Variants in WIPF3 observed in about 807,000 individuals in gnomAD.
WIPF3 encodes the protein WAS/WASL-interacting protein family member 3.
Under a neutral mutation model 38.9 loss-of-function variants are expected in WIPF3, and 33 were observed. The ratio of observed to expected loss-of-function variants is 0.85; its 90% CI spans 0.64 to 1.14. The LOEUF (loss-of-function observed/expected upper bound fraction) is 1.14, where lower values mean the gene tolerates loss of function less well. Among genes scored for constraint, WIPF3 ranks in the 50% most tolerant of loss-of-function variants. The probability of loss-of-function intolerance (pLI) is 0.00; values close to 1 mark genes in which losing one functional copy is unlikely to be tolerated. For synonymous variants in WIPF3, 324 were observed against 269.3 expected (o/e 1.20, Z -1.99); for missense variants, 711 against 652.5 (o/e 1.09, Z -0.98).
In WIPF3 at chr7:29,844,626, C is replaced by G. The variant is rs1160619033; in HGVS notation, c.90+9812C>G. On this transcript the variant is annotated intron_variant, in intron 2 of 8. Transcript: ENST00000242140. The surrounding 1 kb of genome is among the most constrained non-coding windows in gnomAD (Gnocchi z 4.8). ...CTGCCGTGTGCCCCACTGCCTCCAG[C>G]TGCGTGAACGGGTTCAGTAAGTGGT... Among the ~76,000 whole-genome samples, 1 of 152,198 alleles carries G rather than the reference C, an allele frequency of 6.6e-6. No individual in the cohort carries two copies.
Position 29,884,405 on chromosome 7 carries a change from C to T in WIPF3, c.911C>T (p.Pro304Leu), listed in dbSNP as rs376892798. ...PPLPPYASCS[P>L]RASLPAPPLP... ...CTCCCCCCTTATGCTTCTTGCTCCC[C>T]GAGGGCTTCTTTGCCCGCGCCCCCT... The change falls in exon 5 of 9, where the codon CCG (proline) becomes CTG (leucine). Residue 304 changes from proline (P) to leucine (L), a missense_variant. Transcript: ENST00000242140. The T allele has an allele frequency of 3.5e-5, 52 of 1,490,710 alleles. No individual in the cohort carries two copies. The highest frequency in any genetic ancestry group is 4.5e-5 in the Non-Finnish European group (50 of 1,114,996). The allele number at this position is 1,490,710 out of a possible 1,614,324, so 92.3% of individuals were successfully genotyped here. A position where few individuals can be genotyped will look rare whatever the true frequency, so the allele number is the denominator to read the frequency against.
chr7:29,914,357 C>A, intron 8 of WIPF3, 136 bp from the exon 9 acceptor site: 2 of 589,450 alleles, frequency 3.4e-6, no homozygotes, highest in Non-Finnish European at 5.4e-6. Context: ...TTTGCATAGG[C>A]ATCTCCCCAA....
intron 1 of WIPF3, among the ~76,000 whole-genome samples, chr7:29,827,861 C>T (rs937127035): frequency 1.4e-4 from 21 of 152,154 alleles, no homozygotes; most frequent in African/African-American, 4.8e-4. Context: ...GTGGTACAAT[C>T]GCAGCTTACT....
chr7:29,883,443 C>A (rs1027627218), intron 4 of WIPF3, among the ~76,000 whole-genome samples: 3 of 152,178 alleles, frequency 2.0e-5, no homozygotes, highest in Non-Finnish European at 4.4e-5. Context: ...GGTTGGTACA[C>A]CTGAGGGTCC....
At position 29,882,148 on chromosome 7, in the gene WIPF3, C is replaced by T. The variant is rs999051932; in HGVS notation, c.356-1702C>T. On this transcript the variant is annotated intron_variant, in intron 4 of 8. Coordinates refer to ENST00000242140, the MANE Select transcript of WIPF3 (RefSeq NM_001080529.3). ...TTGGTGGCTTCATCAACACAGGATC[C>T]CCTACTTTTAACTGACTCACTTTAA... Among the ~76,000 whole-genome samples, 4 of 152,240 alleles carry T rather than the reference C, an allele frequency of 2.6e-5. No homozygotes were observed. The East Asian group carries it at 7.7e-4, about 29-fold the overall frequency.
intron 7 of WIPF3, among the ~76,000 whole-genome samples, chr7:29,902,451 C>T (rs1183174686): frequency 6.6e-5 from 10 of 151,992 alleles, no homozygotes; most frequent in African/African-American, 1.5e-4. Flanking sequence ...GACCCTTCTA[C>T]GTGATAGTCC....
chr7:29,850,652 G>A (rs1785079308), intron 2 of WIPF3, among the ~76,000 whole-genome samples: 1 of 152,160 alleles, frequency 6.6e-6, no homozygotes, highest in Admixed American at 6.5e-5. Flanking sequence ...AGGGGAACAT[G>A]CCACCCCTAC....
intron 8 of WIPF3, among the ~76,000 whole-genome samples, chr7:29,911,626 C>A (rs1319840612): frequency 6.6e-6 from 1 of 152,050 alleles, no homozygotes; most frequent in Non-Finnish European, 1.5e-5. Context: ...AAGAAATAAA[C>A]CCTTGCATGT....
At chr7:29,846,730 G>A (rs904417713) in intron 2 of WIPF3, among the ~76,000 whole-genome samples, 1 of 152,082 alleles carries the variant, frequency 6.6e-6, no homozygotes, top group Non-Finnish European at 1.5e-5. Flanking sequence ...AACAACACGG[G>A]GTGTAAAAAC....
At position 29,823,009 on chromosome 7, in the gene WIPF3, G is replaced by C. The variant is rs1449121682; in HGVS notation, c.-57-11659G>C. On this transcript the variant is annotated intron_variant, in intron 1 of 8. Coordinates refer to ENST00000242140, the MANE Select transcript of WIPF3 (RefSeq NM_001080529.3). This position sits in a 1 kb window ranked among gnomAD's most constrained non-coding sequence, Gnocchi z 4.0. ...AAAAAATTACATTTGGAAAAACTTTGTTTTTTGGACAGGATCATATGCAAT... is the reference window on the plus strand; with the variant it reads ...AAAAAATTACATTTGGAAAAACTTTCTTTTTTGGACAGGATCATATGCAAT... Among the ~76,000 whole-genome samples the C allele has an allele frequency of 6.6e-6, 1 of 152,072 alleles. No individual in the cohort carries two copies. The highest frequency in any genetic ancestry group is 1.5e-5 in the Non-Finnish European group (1 of 67,988).
rs548274572 is a variant in WIPF3 at position 29,914,909 on chromosome 7, A to C, written c.*393A>C. Reference sequence around the variant, plus strand: ...TTATAAATATCCACAACGGCTTCTTATTGGCATAATTTCATATTCTCATCA... The same window carrying C: ...TTATAAATATCCACAACGGCTTCTTCTTGGCATAATTTCATATTCTCATCA... On this transcript the variant is annotated 3_prime_UTR_variant, in exon 9 of 9. Coordinates refer to ENST00000242140, the MANE Select transcript of WIPF3 (RefSeq NM_001080529.3). 56 of 155,676 alleles carry C rather than the reference A, an allele frequency of 3.6e-4. No homozygotes were observed. The highest frequency in any genetic ancestry group is 6.2e-4 in the Non-Finnish European group (44 of 70,558). 9.6% of individuals were successfully genotyped at this position (155,676 alleles called of 1,614,324 possible). A position where few individuals can be genotyped will look rare whatever the true frequency, so the allele number is the denominator to read the frequency against.
chr7:29,884,365 G>GCCCCCCCCCCCC lies in WIPF3; in HGVS notation c.875_876insCCCCCCCCCCCC (p.Pro292_Pro295dup). 8 of 573,296 alleles carry GCCCCCCCCCCCC rather than the reference G, an allele frequency of 1.4e-5. No individual in the cohort carries two copies. Among genetic ancestry groups the GCCCCCCCCCCCC allele is most frequent in the South Asian group, 6.6e-5 (2 of 30,300 alleles). The allele number at this position is 573,296 out of a possible 1,614,324, so 35.5% of individuals were successfully genotyped here. On this transcript the variant is annotated inframe_insertion, in exon 5 of 9. Transcript: ENST00000242140. ...TGCGCAAGATGCGCAGGAGCCTCCC[G>GCCCCCCCCCCCC]CCCCGCCGCCCCCGCTCCCCCCTTA...
At chr7:29,897,795 C>A (rs1024526666) in intron 7 of WIPF3, among the ~76,000 whole-genome samples, 1 of 152,224 alleles carries the variant, frequency 6.6e-6, no homozygotes, top group African/African-American at 2.4e-5. Context: ...AACCTCTGCC[C>A]TGATGAGCTT....
chr7:29,834,755 CTGCCTCCACCTCCCCCGCCTCTGGGGG>C lies in WIPF3; in HGVS notation c.32_58del (p.Leu11_Ala20delinsPro). ...AGTGCCACCGCCACCCCCACCTCCT[CTGCCTCCACCTCCCCCGCCTCTGGGGG>C]CTCCTCCCCCTCCCCCACCATCAGC... On this transcript the variant is annotated inframe_deletion, in exon 2 of 9. Transcript: ENST00000242140. The C allele has an allele frequency of 6.8e-7, 1 of 1,475,436 alleles. No homozygotes were observed. The highest frequency in any genetic ancestry group is 2.6e-5 in the East Asian group (1 of 38,558). The allele number at this position is 1,475,436 out of a possible 1,614,324, so 91.4% of individuals were successfully genotyped here. A position where few individuals can be genotyped will look rare whatever the true frequency, so the allele number is the denominator to read the frequency against.
chr7:29,809,613 A>G (rs1784339327), intron 1 of WIPF3, among the ~76,000 whole-genome samples: 2 of 152,366 alleles, frequency 1.3e-5, no homozygotes, highest in South Asian at 4.1e-4. Flanking sequence ...GATGCTGGGC[A>G]GGGGCAGCAC....
At chr7:29,815,681 G>A (rs990940982) in intron 1 of WIPF3, among the ~76,000 whole-genome samples, 1 of 152,210 alleles carries the variant, frequency 6.6e-6, no homozygotes, top group African/African-American at 2.4e-5. Flanking sequence ...AAATGACAGG[G>A]TCTGCTACAG....
In WIPF3 at chr7:29,884,060, C is replaced by G. The variant is rs1785786984; in HGVS notation, c.566C>G (p.Pro189Arg). The change falls in exon 5 of 9, where the codon CCC becomes CGC. Residue 189 changes from proline (P) to arginine (R), a missense_variant. Coordinates refer to ENST00000242140, the MANE Select transcript of WIPF3 (RefSeq NM_001080529.3). ...PPPPPPPLPP[P>R]LPSSSPIKTP... The stretch of plus-strand genomic sequence containing the variant: ...CCTCCGCCTCCACCCTTACCCCCGC[C>G]CCTTCCCTCTTCCTCCCCCATCAAA... 1.4e-6 allele frequency: 2 copies of G among 1,447,026 alleles called. No homozygotes were observed. The highest frequency in any genetic ancestry group is 4.5e-5 in the Admixed American group (2 of 44,184). The allele number at this position is 1,447,026 out of a possible 1,614,324, so 89.6% of individuals were successfully genotyped here.
At chr7:29,813,752 A>C (rs915073532) in intron 1 of WIPF3, among the ~76,000 whole-genome samples, 2 of 152,150 alleles carry the variant, frequency 1.3e-5, no homozygotes, top group African/African-American at 4.8e-5. Flanking sequence ...CAGTTGTGCA[A>C]CCATCGCCAT....
chr7:29,812,884 A>G (rs920357287), intron 1 of WIPF3, among the ~76,000 whole-genome samples: 1 of 152,232 alleles, frequency 6.6e-6, no homozygotes, highest in African/African-American at 2.4e-5. Context: ...TCATGGAATT[A>G]GTGTTAGAGA....
Sources: allele counts gnomAD v4.1 joint callset (sites outside exome capture counted in the v4.1 genomes callset), GRCh38; gene constraint gnomAD v4.1.1; non-coding constraint Gnocchi (gnomAD v3.1); transcripts MANE v1.5; gene names NCBI Gene and HGNC (gene_info 2026-07-23, HGNC 2026-07-21).